The following ADD1 variants were observed in gnomAD, a reference collection of about 807,000 sequenced individuals.
The protein encoded by ADD1 is alpha-adducin.
ADD1 carries 24 observed loss-of-function variants against 80.5 expected under a neutral mutation model. The observed-to-expected ratio is 0.30, with a 90% CI of 0.22 to 0.42. The LOEUF (loss-of-function observed/expected upper bound fraction) is 0.42. ADD1 is among the 10% of genes least tolerant of loss of function. The pLI is 1.00. For synonymous variants in ADD1, 373 were observed against 393.8 expected (o/e 0.95, Z 0.63); for missense variants, 948 against 1,019.0 (o/e 0.93, Z 0.95).
Position 2,862,180 on chromosome 4 carries a change from T to C in ADD1, c.-20-13716T>C, listed in dbSNP as rs180846533. 9.9e-4 allele frequency among the ~76,000 whole-genome samples: 150 copies of C among 152,284 alleles called. 1 individual carries two copies. Among genetic ancestry groups the C allele is most frequent in the Admixed American group, 3.5e-3 (54 of 15,308 alleles). On this transcript the variant is annotated intron_variant, in intron 1 of 15. Coordinates refer to ENST00000683351, the MANE Select transcript of ADD1 (RefSeq NM_001354761.2). ...AGGTTGGAGGAAAACCAGAAACTGA[T>C]GTCTGAAAACTGGAAGAGGACAGTG...
chr4:2,917,202 T>C (rs966937124), intron 14 of ADD1, among the ~76,000 whole-genome samples: 4 of 152,250 alleles, frequency 2.6e-5, no homozygotes, highest in Non-Finnish European at 4.4e-5. Flanking sequence ...TTCTGTTGTT[T>C]CCTCGCTTTT....
chr4:2,887,901 A>AT (rs1355908178), intron 4 of ADD1, among the ~76,000 whole-genome samples: 1 of 152,100 alleles, frequency 6.6e-6, no homozygotes, highest in African/African-American at 2.4e-5. Flanking sequence ...GATGTTTGTA[A>AT]TTTTGCACTT....
chr4:2,914,953 A>C lies in ADD1; in HGVS notation c.1861A>C (p.Thr621Pro), dbSNP rs1378574092. Reference sequence around the variant, plus strand: ...CCAGCCCCACGTCATTGTGAGCACCACGGGCCCCAACCCCTTCACCACACT... The same window carrying C: ...CCAGCCCCACGTCATTGTGAGCACCCCGGGCCCCAACCCCTTCACCACACT... ...EYQPHVIVSTTGPNPFTTLTD... is the reference protein window; with the variant it reads ...EYQPHVIVSTPGPNPFTTLTD... Residue 621 changes from threonine (T) to proline (P), a missense_variant, in exon 14 of 16, where the codon ACG becomes CCG. Transcript: ENST00000683351. The C allele has an allele frequency of 1.2e-6, 2 of 1,614,012 alleles. No individual in the cohort carries two copies. Among genetic ancestry groups the C allele is most frequent in the Non-Finnish European group, 1.7e-6 (2 of 1,180,014 alleles).
intron 1 of ADD1, among the ~76,000 whole-genome samples, chr4:2,859,954 A>G (rs1037528502): frequency 1.1e-4 from 16 of 149,158 alleles, no homozygotes; most frequent in Middle Eastern, 3.2e-3. Context: ...AAACATTCTC[A>G]GGTTAGTACT....
intron 1 of ADD1, among the ~76,000 whole-genome samples, chr4:2,860,779 C>G (rs1303529489): frequency 6.6e-6 from 1 of 152,168 alleles, no homozygotes; most frequent in East Asian, 1.9e-4. Context: ...ATGCATTAAC[C>G]TGTTGTTAAA....
intron 9 of ADD1, among the ~76,000 whole-genome samples, chr4:2,903,428 A>G (rs1287252090): frequency 6.6e-6 from 1 of 152,142 alleles, no homozygotes; most frequent in Non-Finnish European, 1.5e-5. Context: ...GGCACAGCGA[A>G]CTCAACCTAG....
At chr4:2,846,446 G>A (rs901670110) in intron 1 of ADD1, among the ~76,000 whole-genome samples, 2 of 152,130 alleles carry the variant, frequency 1.3e-5, no homozygotes, top group Non-Finnish European at 1.5e-5. Flanking sequence ...TTTGTTCGCA[G>A]CCCTTGATTG....
chr4:2,845,467 A>G (rs1162877045), intron 1 of ADD1, among the ~76,000 whole-genome samples: 1 of 152,234 alleles, frequency 6.6e-6, no homozygotes, highest in Non-Finnish European at 1.5e-5. Flanking sequence ...TGGGCAGTCA[A>G]AACTGCTTTT....
chr4:2,912,234 A>T (rs906704360), intron 13 of ADD1, among the ~76,000 whole-genome samples: 15 of 152,198 alleles, frequency 9.9e-5, no homozygotes, highest in African/African-American at 3.6e-4. Context: ...AGCTAGGCAC[A>T]TCTTGGTTTC....
At chr4:2,896,653 T>C (rs1027250669) in intron 6 of ADD1, among the ~76,000 whole-genome samples, 1 of 152,206 alleles carries the variant, frequency 6.6e-6, no homozygotes, top group South Asian at 2.1e-4. Flanking sequence ...ATTTTTTTTT[T>C]CCTGAAAGAA....
intron 2 of ADD1, among the ~76,000 whole-genome samples, chr4:2,880,463 C>CTTTTTT (rs1167878841): frequency 0.011 from 702 of 63,248 alleles, 48 homozygotes; most frequent in East Asian, 0.016. Context: ...TTCTTTCTTT[C>CTTTTTT]TTTTTTTTTT....
chr4:2,925,891 G>C (rs1740881271), intron 14 of ADD1, 123 bp from the exon 15 acceptor site: 1 of 718,780 alleles, frequency 1.4e-6, no homozygotes, highest in African/African-American at 1.8e-5. Context: ...CAGGGAAAGG[G>C]TTGAGAGAGC....
chr4:2,919,429 AC>A (rs1321141940), intron 14 of ADD1, among the ~76,000 whole-genome samples: 1 of 151,962 alleles, frequency 6.6e-6, no homozygotes, highest in East Asian at 1.9e-4. Context: ...TCCTTTCTGT[AC>A]CTCTGGTAGA....
intron 1 of ADD1, among the ~76,000 whole-genome samples, chr4:2,849,571 T>C (rs1726757574): frequency 6.6e-6 from 1 of 152,184 alleles, no homozygotes; most frequent in South Asian, 2.1e-4. Flanking sequence ...GCTGTTTGCA[T>C]GGGGAGGAGA....
chr4:2,861,858 G>T (rs1343285125), intron 1 of ADD1, among the ~76,000 whole-genome samples: 1 of 152,174 alleles, frequency 6.6e-6, no homozygotes, highest in African/African-American at 2.4e-5. Flanking sequence ...CCAACCTGTT[G>T]CCCACATGTG....
intron 14 of ADD1, among the ~76,000 whole-genome samples, chr4:2,916,222 A>T: frequency 6.7e-6 from 1 of 150,030 alleles, no homozygotes; most frequent in Non-Finnish European, 1.5e-5. Context: ...TTTGAGATGA[A>T]GTCTTGCTCT....
intron 14 of ADD1, among the ~76,000 whole-genome samples, chr4:2,924,363 T>G (rs1740604760): frequency 6.6e-6 from 1 of 152,154 alleles, no homozygotes; most frequent in African/African-American, 2.4e-5. Flanking sequence ...CCAGCTCTCT[T>G]GTCCACTAGG....
intron 4 of ADD1, among the ~76,000 whole-genome samples, chr4:2,885,887 G>C (rs574110144): frequency 6.6e-6 from 1 of 152,214 alleles, no homozygotes; most frequent in East Asian, 1.9e-4. Flanking sequence ...TGGGATTACA[G>C]GCGTGAGCCA....
At position 2,929,311 on chromosome 4, in the gene ADD1, T is replaced by C. The variant is rs1712599430; in HGVS notation, c.*788T>C. On this transcript the variant is annotated 3_prime_UTR_variant, in exon 16 of 16. Coordinates refer to ENST00000683351, the MANE Select transcript of ADD1 (RefSeq NM_001354761.2). ...TCGACTGTGAACGTGAATAGGCTGC[T>C]TTTTGCTTTCTTCTTTCCAGACCCC... is the stretch of plus-strand genomic sequence containing the variant. The C allele has an allele frequency of 6.6e-6, 1 of 152,238 alleles. No homozygotes were observed. The highest frequency in any genetic ancestry group is 1.5e-5 in the Non-Finnish European group (1 of 68,070). The allele number at this position is 152,238 out of a possible 1,614,324, so 9.4% of individuals were successfully genotyped here.
Sources: gnomAD v4.1 joint callset for allele counts (sites outside exome capture counted in the v4.1 genomes callset) on GRCh38, gnomAD v4.1.1 for gene constraint, MANE v1.5 for transcripts, NCBI Gene and HGNC (gene_info 2026-07-23, HGNC 2026-07-21) for gene names.